RFX1: variants seen among roughly 807,000 people sequenced by gnomAD.
RFX1 encodes the protein MHC class II regulatory factor RFX1.
A neutral mutation model predicts 119.6 loss-of-function variants in RFX1; 42 were observed. That is an observed-to-expected ratio of 0.35 (90% confidence interval 0.27 to 0.45). The LOEUF (loss-of-function observed/expected upper bound fraction) is 0.45, where lower values mean the gene tolerates loss of function less well. Ranked by LOEUF, RFX1 falls within the 20% of genes least tolerant of loss-of-function variation. The pLI is 1.00. For synonymous variants in RFX1, 628 were observed against 618.5 expected, an observed-to-expected ratio of 1.02 and a Z score of -0.23; for missense variants, 1,118 against 1,368.1, an observed-to-expected ratio of 0.82 and a Z score of 2.88.
Position 13,965,787 on chromosome 19 carries a change from C to T in RFX1, c.1962-10G>A, listed in dbSNP as rs1262498387. 1 of 1,612,670 alleles carries T rather than the reference C, an allele frequency of 6.2e-7. No homozygotes were observed. The highest frequency in any genetic ancestry group is 1.3e-5 in the African/African-American group (1 of 74,984). On this transcript the variant is annotated splice_polypyrimidine_tract_variant and intron_variant, in intron 14 of 20. Coordinates refer to ENST00000254325, the MANE Select transcript of RFX1 (RefSeq NM_002918.5). This position sits in a 1 kb window ranked among gnomAD's most constrained non-coding sequence, Gnocchi z 4.7. ...CTCGGCCTCGTCATGTCTGCGGGCA[C>T]CCACCCCACCCCGGGTCACTGGGGT...
chr19:13,981,527 C>T (rs560957901), intron 5 of RFX1, among the ~76,000 whole-genome samples: 3 of 152,272 alleles, frequency 2.0e-5, no homozygotes, highest in Admixed American at 2.0e-4. Flanking sequence ...ACCCAGGAGT[C>T]GGAGGTTGCA....
chr19:13,993,961 A>C, intron 1 of RFX1, 66 bp from the exon 2 acceptor site: 1 of 898,420 alleles, frequency 1.1e-6, no homozygotes, highest in Non-Finnish European at 1.7e-6. Context: ...AAAAACAGGA[A>C]TTAATCCACA....
intron 12 of RFX1, among the ~76,000 whole-genome samples, chr19:13,967,697 G>A (rs1032131297): frequency 2.1e-5 from 3 of 144,340 alleles, no homozygotes; most frequent in African/African-American, 7.7e-5. Context: ...GGCTGGTCTC[G>A]AACTCTTGAC....
chr19:13,968,797 GGCC>G lies in RFX1; in HGVS notation c.1591_1593del (p.Gly531del). On this transcript the variant is annotated inframe_deletion, in exon 11 of 21. Coordinates refer to ENST00000254325, the MANE Select transcript of RFX1 (RefSeq NM_002918.5). The surrounding 1 kb of genome is among the most constrained non-coding windows in gnomAD (Gnocchi z 5.5). ...TACCTCTGCTTCTGCGAGAAGGGCT[GGCC>G]CCGCATGGCCATGTGCTGCTGGTCC... The G allele has an allele frequency of 6.3e-7, 1 of 1,577,158 alleles. No individual in the cohort carries two copies. The highest frequency in any genetic ancestry group is 8.6e-7 in the Non-Finnish European group (1 of 1,161,504).
chr19:13,995,562 C>T lies in RFX1; in HGVS notation c.-52-1667G>A, dbSNP rs530981529. On this transcript the variant is annotated intron_variant, in intron 1 of 20. Coordinates refer to ENST00000254325, the MANE Select transcript of RFX1 (RefSeq NM_002918.5). ...GCTGCGGCTGACTTCAGAACAGGGCCGGCCTTGGCCAAGCGCAGTGGCTCA... is the reference window on the plus strand; with the variant it reads ...GCTGCGGCTGACTTCAGAACAGGGCTGGCCTTGGCCAAGCGCAGTGGCTCA... 3.9e-5 allele frequency among the ~76,000 whole-genome samples: 6 copies of T among 152,196 alleles called. No homozygotes were observed. The East Asian group carries it at 5.8e-4, about 15-fold the overall frequency.
rs1008573280 is a variant in RFX1 at position 13,992,942 on chromosome 19, G to T, written c.319+583C>A. ...AGTCCAGGAGTTTGAGACCAGCCTAGGCAATATGGCGAGACCTCATCTCTA... is the reference window on the plus strand; with the variant it reads ...AGTCCAGGAGTTTGAGACCAGCCTATGCAATATGGCGAGACCTCATCTCTA... On this transcript the variant is annotated intron_variant, in intron 2 of 20. Transcript: ENST00000254325. Among the ~76,000 whole-genome samples, 3 of 152,104 alleles carry T rather than the reference G, an allele frequency of 2.0e-5. No homozygotes were observed. In the East Asian group the frequency reaches 5.8e-4, roughly 29 times the overall value.
chr19:14,005,892 C>T (rs1010278978), intron 1 of RFX1, among the ~76,000 whole-genome samples: 2 of 151,782 alleles, frequency 1.3e-5, no homozygotes, highest in African/African-American at 4.8e-5. Context: ...CCTGCGAGCG[C>T]CCGCCCCTCG....
rs1974606092 is a variant in RFX1 at position 13,986,642 on chromosome 19, G to A, written c.320-3047C>T. On this transcript the variant is annotated intron_variant, in intron 2 of 20. Coordinates refer to ENST00000254325, the MANE Select transcript of RFX1 (RefSeq NM_002918.5). This position sits in a 1 kb window ranked among gnomAD's most constrained non-coding sequence, Gnocchi z 4.2. ...GAGATCGCCACTCTGGGCATGCGCA[G>A]GAGGCCAGGGAGGCCCCCACTGTCT... Among the ~76,000 whole-genome samples the A allele has an allele frequency of 6.6e-6, 1 of 152,176 alleles. No individual in the cohort carries two copies. The highest frequency in any genetic ancestry group is 6.5e-5 in the Admixed American group (1 of 15,288).
At chr19:13,970,874 C>T (rs1461519386) in intron 9 of RFX1, among the ~76,000 whole-genome samples, 2 of 150,918 alleles carry the variant, frequency 1.3e-5, no homozygotes, top group Non-Finnish European at 3.0e-5. Flanking sequence ...GTCCCAGCTG[C>T]TTGGGAGGCT....
In RFX1 at chr19:13,962,607, T is replaced by C; in HGVS notation, c.*88A>G. On this transcript the variant is annotated 3_prime_UTR_variant, in exon 21 of 21. Coordinates refer to ENST00000254325, the MANE Select transcript of RFX1 (RefSeq NM_002918.5). ...TCCCCCTCCCTGCCCTGGCTGAGGC[T>C]GGAGCAGTGACCACGAAGCCACAGA... 1 of 1,121,364 alleles carries C rather than the reference T, an allele frequency of 8.9e-7. No individual in the cohort carries two copies. Among genetic ancestry groups the C allele is most frequent in the Non-Finnish European group, 1.2e-6 (1 of 836,058 alleles). The allele number at this position is 1,121,364 out of a possible 1,614,324, so 69.5% of individuals were successfully genotyped here.
rs530523644 is a variant in RFX1, at chr19:13,967,009, C to T, written c.1733-258G>A. ...AACAGCACTGCACCAACCCTCAGGA[C>T]GTGGGCCTCTGAGTCCCGGCTGCAA... On this transcript the variant is annotated intron_variant, in intron 12 of 20. Coordinates refer to ENST00000254325, the MANE Select transcript of RFX1 (RefSeq NM_002918.5). Among the ~76,000 whole-genome samples the T allele has an allele frequency of 3.4e-3, 523 of 152,262 alleles. 10 individuals are homozygous for T. Among genetic ancestry groups the T allele is most frequent in the Admixed American group, 0.022 (329 of 15,300 alleles).
chr19:13,985,238 C>A lies in RFX1; in HGVS notation c.320-1643G>T, dbSNP rs1041658990. Among the ~76,000 whole-genome samples the A allele has an allele frequency of 1.3e-5, 2 of 150,362 alleles. No individual in the cohort carries two copies. Among genetic ancestry groups the A allele is most frequent in the Non-Finnish European group, 3.0e-5 (2 of 67,776 alleles). On this transcript the variant is annotated intron_variant, in intron 2 of 20. Coordinates refer to ENST00000254325, the MANE Select transcript of RFX1 (RefSeq NM_002918.5). The surrounding 1 kb of genome is among the most constrained non-coding windows in gnomAD (Gnocchi z 4.3). ...AGTTGCCCAGGCTGGAGTGCAGTGGCGCAATCTCTGCTCACTGAAATCTCC... is the reference window on the plus strand; with the variant it reads ...AGTTGCCCAGGCTGGAGTGCAGTGGAGCAATCTCTGCTCACTGAAATCTCC...
intron 1 of RFX1, among the ~76,000 whole-genome samples, chr19:13,994,259 A>G (rs1249831003): frequency 6.6e-6 from 1 of 152,140 alleles, no homozygotes; most frequent in African/African-American, 2.4e-5. Flanking sequence ...CCTCACCCAG[A>G]GAAAAATGGT....
In RFX1 at chr19:13,983,247, C is replaced by T. The variant is rs753462674; in HGVS notation, c.453G>A (p.Val151=). The T allele has an allele frequency of 1.9e-6, 3 of 1,569,936 alleles. No individual in the cohort carries two copies. The highest frequency in any genetic ancestry group is 2.3e-5 in the South Asian group (2 of 85,972). The stretch of plus-strand genomic sequence containing the variant: ...GCGACACGTGGCCTGGCTTGGCCTG[C>T]ACGCTCGTCTGGACCAGCAGCCGCT... ...TQQRLLVQTS[V]QAKPGHVSPL... is the part of the protein sequence containing the mutation. The change falls in exon 4 of 21, where the codon GTG becomes GTA. Residue 151 remains valine, a synonymous_variant. Coordinates refer to ENST00000254325, the MANE Select transcript of RFX1 (RefSeq NM_002918.5).
In RFX1 at chr19:13,966,657, C is replaced by G. The variant is rs770551512; in HGVS notation, c.1827G>C (p.Gln609His). 2 of 1,608,870 alleles carry G rather than the reference C, an allele frequency of 1.2e-6. No homozygotes were observed. The highest frequency in any genetic ancestry group is 2.7e-5 in the African/African-American group (2 of 74,740). The change falls in exon 13 of 21, where the codon CAG becomes CAC. Residue 609 changes from glutamine to histidine, a missense_variant. This residue lies in a region of RFX1 where 338 missense variants were observed against 508.9 expected (regional missense o/e 0.66). Coordinates refer to ENST00000254325, the MANE Select transcript of RFX1 (RefSeq NM_002918.5). This position sits in a 1 kb window ranked among gnomAD's most constrained non-coding sequence, Gnocchi z 6.3. ...GVGPGDIKAF[Q>H]VLYREHCEAI... ...CCTCACAGTGTTCCCGGTACAGGAC[C>G]TGGAAGGCTTTGATGTCCCCGGGCC...
Position 13,962,800 on chromosome 19 carries a change from A to G in RFX1, c.2835T>C (p.Ala945=). 2 of 1,529,992 alleles carry G rather than the reference A, an allele frequency of 1.3e-6. No homozygotes were observed. Among genetic ancestry groups the G allele is most frequent in the Non-Finnish European group, 1.7e-6 (2 of 1,142,986 alleles). The allele number at this position is 1,529,992 out of a possible 1,614,324, so 94.8% of individuals were successfully genotyped here. A position where few individuals can be genotyped will look rare whatever the true frequency, so the allele number is the denominator to read the frequency against. ...DELPQDISLA[A]GGESPALGPE... ...GGCCCAGCGCGGGTGACTCGCCGCC[A>G]GCCGCCAGTGAGATGTCCTGCGGCA... Residue 945 remains alanine (A), a synonymous_variant, in exon 21 of 21, where the codon GCT becomes GCC. Coordinates refer to ENST00000254325, the MANE Select transcript of RFX1 (RefSeq NM_002918.5).
chr19:13,970,361 C>CAA (rs1974041132), intron 9 of RFX1, among the ~76,000 whole-genome samples, 186 bp from the exon 10 acceptor site: 1 of 152,096 alleles, frequency 6.6e-6, no homozygotes, highest in Non-Finnish European at 1.5e-5. Flanking sequence ...CTGCACTGTC[C>CAA]AATACAGTTG....
intron 2 of RFX1, among the ~76,000 whole-genome samples, chr19:13,987,433 C>A (rs938728264): frequency 8.5e-5 from 13 of 152,226 alleles, no homozygotes; most frequent in South Asian, 2.1e-4. Context: ...GGTCCAGGCC[C>A]CTCCCTTCCT....
In RFX1 at chr19:13,969,983, G is replaced by C; in HGVS notation, c.1496+11C>G. 6.2e-7 allele frequency: 1 copy of C among 1,600,290 alleles called. No homozygotes were observed. The highest frequency in any genetic ancestry group is 8.5e-7 in the Non-Finnish European group (1 of 1,172,098). On this transcript the variant is annotated intron_variant, in intron 10 of 20. Coordinates refer to ENST00000254325, the MANE Select transcript of RFX1 (RefSeq NM_002918.5). The surrounding 1 kb of genome is among the most constrained non-coding windows in gnomAD (Gnocchi z 4.5). ...CCCCAGGGACTGCTGGGAGTAGACG[G>C]ATGGCCCTACCTGGTGCCCAGACGG...
Sources: allele counts gnomAD v4.1 joint callset (sites outside exome capture counted in the v4.1 genomes callset), GRCh38; gene constraint gnomAD v4.1.1; regional missense constraint gnomAD v4.1.1; non-coding constraint Gnocchi (gnomAD v3.1); transcripts MANE v1.5; gene names NCBI Gene and HGNC (gene_info 2026-07-23, HGNC 2026-07-21).